Variants in HS1BP3 observed in about 807,000 individuals in gnomAD.
The protein encoded by HS1BP3 is HCLS1-binding protein 3.
HS1BP3 carries 32 observed loss-of-function variants against 33.5 expected under a neutral mutation model. The ratio of observed to expected loss-of-function variants is 0.95; its 90% confidence interval spans 0.72 to 1.28. The LOEUF is 1.28. Ranked by LOEUF, HS1BP3 falls within the 50% of genes most tolerant of loss-of-function variation. The pLI is 0.00. For missense variants in HS1BP3, 486 were observed against 502.3 expected, an observed-to-expected ratio of 0.97 and a Z score of 0.31; for synonymous variants, 187 against 209.2, an observed-to-expected ratio of 0.89 and a Z score of 0.92.
downstream of HS1BP3, among the ~76,000 whole-genome samples, chr2:20,615,950 A>G (rs962974265): frequency 1.3e-5 from 2 of 152,198 alleles, no homozygotes; most frequent in African/African-American, 2.4e-5. Context: ...GGGGCCCATG[A>G]CACAGGCCTG....
At chr2:20,614,497 G>C (rs1694378663), downstream of HS1BP3, among the ~76,000 whole-genome samples, 1 of 152,240 alleles carries the variant, frequency 6.6e-6, no homozygotes, top group Non-Finnish European at 1.5e-5. Context: ...CCAGAGAACA[G>C]AAGTGAAACT....
At chr2:20,642,951 C>T (rs1695403255) in intron 2 of HS1BP3, among the ~76,000 whole-genome samples, 1 of 152,230 alleles carries the variant, frequency 6.6e-6, no homozygotes, top group Non-Finnish European at 1.5e-5. Flanking sequence ...ACTGCGGTGC[C>T]CCCTCCTGCG....
chr2:20,594,491 G>C (rs1245895011), intron 3 of HS1BP3, among the ~76,000 whole-genome samples: 1 of 152,192 alleles, frequency 6.6e-6, no homozygotes, highest in Non-Finnish European at 1.5e-5. Context: ...CCTATGCTGG[G>C]GTTGAAGTTG....
At chr2:20,619,940 C>T (rs1694542675) in intron 6 of HS1BP3, among the ~76,000 whole-genome samples, 1 of 152,228 alleles carries the variant, frequency 6.6e-6, no homozygotes, top group Non-Finnish European at 1.5e-5. Flanking sequence ...TGAGGATGGC[C>T]TCGGCCAGGG....
chr2:20,564,728 C>T (rs1403436527), intron 5 of HS1BP3, among the ~76,000 whole-genome samples: 2 of 152,148 alleles, frequency 1.3e-5, no homozygotes, highest in African/African-American at 4.8e-5. Context: ...AGGTAATCTG[C>T]CCGCCTCAGC....
At chr2:20,605,684 G>A (rs1257998150) in intron 2 of HS1BP3, among the ~76,000 whole-genome samples, 3 of 152,164 alleles carry the variant, frequency 2.0e-5, no homozygotes, top group African/African-American at 7.2e-5. Context: ...CCTACAATGT[G>A]TGACCCTTGG....
chr2:20,585,144 C>T (rs1430535939), intron 5 of HS1BP3, among the ~76,000 whole-genome samples: 1 of 152,154 alleles, frequency 6.6e-6, no homozygotes, highest in Non-Finnish European at 1.5e-5. Flanking sequence ...GAGCTCAGCC[C>T]CTCCTCCCAC....
In HS1BP3 at chr2:20,638,562, G is replaced by C; in HGVS notation, c.497C>G (p.Ala166Gly). ...GTCTTGCTCCTCAAAAAAGTCGAAAGCCTCTTCATCATTCCCTGTCTGACT... is the reference window on the plus strand; with the variant it reads ...GTCTTGCTCCTCAAAAAAGTCGAAACCCTCTTCATCATTCCCTGTCTGACT... ...TDSQTGNDEEAFDFFEEQDQV... is the reference protein window; with the variant it reads ...TDSQTGNDEEGFDFFEEQDQV... Residue 166 changes from alanine to glycine, a missense_variant, in exon 4 of 7, where the codon GCT becomes GGT. By Grantham distance (60) the Ala-to-Gly change is moderately conservative. Transcript: ENST00000304031. The C allele has an allele frequency of 6.2e-7, 1 of 1,614,240 alleles. No individual in the cohort carries two copies. The highest frequency in any genetic ancestry group is 8.5e-7 in the Non-Finnish European group (1 of 1,180,048).
At chr2:20,639,711 A>T (rs934503831) in intron 3 of HS1BP3, among the ~76,000 whole-genome samples, 3 of 152,226 alleles carry the variant, frequency 2.0e-5, no homozygotes, top group African/African-American at 7.2e-5. Flanking sequence ...TATGAGAGAG[A>T]TCCCTACTGT....
intron 3 of HS1BP3, chr2:20,640,606 G>C (rs1394510264): frequency 4.1e-6 from 2 of 487,288 alleles, no homozygotes; most frequent in Non-Finnish European, 7.4e-6. Flanking sequence ...CCTAGGGCTG[G>C]TTGGAGGAGG....
intron 4 of HS1BP3, 110 bp downstream of exon 4, chr2:20,638,326 G>A (rs968978598): frequency 9.2e-7 from 1 of 1,091,518 alleles, no homozygotes; most frequent in Non-Finnish European, 1.3e-6. Flanking sequence ...TCCCTGCGAG[G>A]GGGCGACCTG....
chr2:20,569,344 G>C (rs11096676), intron 5 of HS1BP3, among the ~76,000 whole-genome samples: 1 of 152,028 alleles, frequency 6.6e-6, no homozygotes, highest in Non-Finnish European at 1.5e-5. Context: ...AAGCTGCTGG[G>C]GCTTTTGTTG....
chr2:20,593,231 T>G (rs1302217357), intron 3 of HS1BP3, among the ~76,000 whole-genome samples: 5 of 152,144 alleles, frequency 3.3e-5, no homozygotes, highest in Non-Finnish European at 5.9e-5. Flanking sequence ...CTGGCCACAT[T>G]GTCTAAACTT....
At chr2:20,579,119 C>T (rs1047669884) in intron 5 of HS1BP3, among the ~76,000 whole-genome samples, 4 of 152,202 alleles carry the variant, frequency 2.6e-5, no homozygotes, top group African/African-American at 9.7e-5. Flanking sequence ...CTGTTAAGTC[C>T]AGGAAACTCT....
intron 4 of HS1BP3, among the ~76,000 whole-genome samples, chr2:20,629,041 G>A (rs1476031043): frequency 1.3e-5 from 2 of 152,156 alleles, no homozygotes; most frequent in Admixed American, 6.5e-5. Context: ...AGACAGGCTA[G>A]GGGGAACTTC....
chr2:20,580,285 G>A (rs1309951197), intron 5 of HS1BP3, among the ~76,000 whole-genome samples: 3 of 152,248 alleles, frequency 2.0e-5, no homozygotes, highest in South Asian at 2.1e-4. Flanking sequence ...TTGGGAGGCC[G>A]AGGCGGGTGG....
chr2:20,563,304 C>T (rs1192591447), intron 5 of HS1BP3, among the ~76,000 whole-genome samples: 1 of 152,212 alleles, frequency 6.6e-6, no homozygotes, highest in South Asian at 2.1e-4. Context: ...AACTGAGGCC[C>T]AGAGAGGGAA....
intron 4 of HS1BP3, among the ~76,000 whole-genome samples, chr2:20,627,420 G>A (rs1413747872): frequency 1.3e-5 from 2 of 152,236 alleles, no homozygotes; most frequent in Non-Finnish European, 2.9e-5. Context: ...AGAGGGAAGC[G>A]AGCCATCTGA....
chr2:20,594,085 C>G (rs1028708491), intron 3 of HS1BP3, among the ~76,000 whole-genome samples: 1 of 152,232 alleles, frequency 6.6e-6, no homozygotes, highest in African/African-American at 2.4e-5. Flanking sequence ...ATCGACCCAT[C>G]GGGGATGGCT....
Sources: gnomAD v4.1 joint callset for allele counts (sites outside exome capture counted in the v4.1 genomes callset) on GRCh38, gnomAD v4.1.1 for gene constraint, MANE v1.5 for transcripts, NCBI Gene and HGNC (gene_info 2026-07-23, HGNC 2026-07-21) for gene names.